Variants in SV2C observed in about 807,000 individuals in gnomAD.
SV2C encodes synaptic vesicle glycoprotein 2C, also known as solute carrier family 22 member B3.
SV2C carries 49 observed loss-of-function variants against 79.7 expected under a neutral mutation model. The ratio of observed to expected loss-of-function variants is 0.61; its 90% CI spans 0.49 to 0.78. The LOEUF is 0.78. SV2C is among the 30% of genes least tolerant of loss of function. SV2C has a pLI of 0.00. For missense variants in SV2C, 833 were observed against 912.9 expected (o/e 0.91, Z 1.13); for synonymous variants, 334 against 333.2 (o/e 1.00, Z -0.03).
At chr5:76,177,544 C>T (rs1456531148) in intron 2 of SV2C, among the ~76,000 whole-genome samples, 1 of 152,156 alleles carries the variant, frequency 6.6e-6, no homozygotes, top group African/African-American at 2.4e-5. Context: ...GTATTTCTGT[C>T]TCTCAAAATA....
At chr5:76,059,492 T>C in the SV2C span, among the ~76,000 whole-genome samples, 1 of 151,812 alleles carries the variant, frequency 6.6e-6, no homozygotes, top group Non-Finnish European at 1.5e-5. Flanking sequence ...AAATCCTTTT[T>C]TTTTTTCTTT....
At chr5:75,968,883 C>G in the SV2C span, among the ~76,000 whole-genome samples, 2 of 151,928 alleles carry the variant, frequency 1.3e-5, no homozygotes, top group African/African-American at 2.4e-5. Flanking sequence ...TCAGATTCAC[C>G]AAAGTTGAAA....
At chr5:76,188,672 AG>A (rs1452702287) in intron 2 of SV2C, among the ~76,000 whole-genome samples, 2 of 152,210 alleles carry the variant, frequency 1.3e-5, no homozygotes, top group East Asian at 3.8e-4. Context: ...TAATAGAACA[AG>A]TACTGAGCTT....
intron 2 of SV2C, among the ~76,000 whole-genome samples, chr5:76,136,312 G>T (rs2112197335): frequency 6.6e-6 from 1 of 152,328 alleles, no homozygotes; most frequent in African/African-American, 2.4e-5. Flanking sequence ...GGGCCAGATT[G>T]CTTTGGGAAG....
the SV2C span, among the ~76,000 whole-genome samples, chr5:75,865,480 A>C: frequency 3.3e-5 from 5 of 152,248 alleles, no homozygotes. Flanking sequence ...CATCAGTTGC[A>C]TTAGAGCCAC....
chr5:76,165,214 T>G (rs1743011011), intron 2 of SV2C, among the ~76,000 whole-genome samples: 1 of 152,174 alleles, frequency 6.6e-6, no homozygotes, highest in African/African-American at 2.4e-5. Context: ...CTGTTTACCC[T>G]TCACCCAGCT....
Position 76,132,261 on chromosome 5 carries a change from G to T in SV2C, c.511G>T (p.Val171Phe). 7 of 1,613,964 alleles carry T rather than the reference G, an allele frequency of 4.3e-6. No homozygotes were observed. Among genetic ancestry groups the T allele is most frequent in the Non-Finnish European group, 5.9e-6 (7 of 1,179,958 alleles). ...ALMADGVEVF[V>F]VGFVLPSAET... ...TATGGCAGACGGTGTAGAGGTGTTT[G>T]TCGTTGGCTTCGTGTTACCCAGTGC... The change falls in exon 2 of 13, where the codon GTC (valine) becomes TTC (phenylalanine). Residue 171 changes from valine (V) to phenylalanine (F), a missense_variant. By Grantham distance (50) the Val-to-Phe change is conservative (BLOSUM62 -1). Coordinates refer to ENST00000502798, the MANE Select transcript of SV2C (RefSeq NM_014979.4).
intron 1 of SV2C, among the ~76,000 whole-genome samples, chr5:76,111,397 T>A (rs1748092682): frequency 6.6e-6 from 1 of 152,230 alleles, no homozygotes; most frequent in African/African-American, 2.4e-5. Context: ...TATTTTTAAA[T>A]AATTCATGTG....
intron 4 of SV2C, among the ~76,000 whole-genome samples, chr5:76,231,807 T>C (rs1163788788): frequency 6.8e-6 from 1 of 146,212 alleles, no homozygotes; most frequent in Non-Finnish European, 1.5e-5. Flanking sequence ...ATGGTGTATA[T>C]GTGCCACATT....
the SV2C span, among the ~76,000 whole-genome samples, chr5:75,904,737 A>G: frequency 1.3e-5 from 2 of 152,246 alleles, no homozygotes; most frequent in Non-Finnish European, 2.9e-5. Context: ...AGATAAACGT[A>G]GACATAGGCA....
At chr5:75,926,824 G>GA in the SV2C span, among the ~76,000 whole-genome samples, 1 of 152,020 alleles carries the variant, frequency 6.6e-6, no homozygotes, top group Non-Finnish European at 1.5e-5. Flanking sequence ...TTAACCATTT[G>GA]AAAAAATTCC....
At chr5:75,990,692 T>C in the SV2C span, among the ~76,000 whole-genome samples, 2 of 151,888 alleles carry the variant, frequency 1.3e-5, no homozygotes, top group African/African-American at 4.8e-5. Context: ...GGGCTGGAGA[T>C]ATACCTAATG....
At chr5:75,931,220 C>A in the SV2C span, among the ~76,000 whole-genome samples, 7 of 152,190 alleles carry the variant, frequency 4.6e-5, no homozygotes, top group Non-Finnish European at 1.0e-4. Context: ...TGTCTAGGAG[C>A]TTCAATTCTG....
the SV2C span, among the ~76,000 whole-genome samples, chr5:75,850,587 T>C: frequency 6.6e-6 from 1 of 151,970 alleles, no homozygotes; most frequent in Non-Finnish European, 1.5e-5. Flanking sequence ...TGGGTACATA[T>C]GTAACAAAAC....
the SV2C span, among the ~76,000 whole-genome samples, chr5:75,866,166 C>G: frequency 6.6e-6 from 1 of 152,100 alleles, no homozygotes; most frequent in Admixed American, 6.5e-5. Flanking sequence ...TTTCGTAACA[C>G]GTTTACTTCA....
chr5:75,885,046 A>G, the SV2C span, among the ~76,000 whole-genome samples: 1 of 152,198 alleles, frequency 6.6e-6, no homozygotes, highest in Non-Finnish European at 1.5e-5. Flanking sequence ...CAACAAGTGA[A>G]AATTATTACA....
intron 4 of SV2C, among the ~76,000 whole-genome samples, chr5:76,214,505 T>TTTTGTTGTTCCATA (rs1744859906): frequency 6.6e-6 from 1 of 152,234 alleles, no homozygotes; most frequent in African/African-American, 2.4e-5. Flanking sequence ...CTTTAGCTAC[T>TTTTGTTGTTCCATA]CAGGGTCTTT....
the SV2C span, among the ~76,000 whole-genome samples, chr5:76,058,576 A>G: frequency 6.6e-6 from 1 of 152,178 alleles, no homozygotes; most frequent in African/African-American, 2.4e-5. Flanking sequence ...TTATTAGAAT[A>G]GAGACATAGA....
the SV2C span, among the ~76,000 whole-genome samples, chr5:76,060,096 C>T: frequency 6.6e-6 from 1 of 152,120 alleles, no homozygotes; most frequent in South Asian, 2.1e-4. Flanking sequence ...GATGTGCTGT[C>T]GCTCAGGCGT....
Sources: gnomAD v4.1 joint callset for allele counts (sites outside exome capture counted in the v4.1 genomes callset) on GRCh38, gnomAD v4.1.1 for gene constraint, MANE v1.5 for transcripts, NCBI Gene and HGNC (gene_info 2026-07-23, HGNC 2026-07-21) for gene names.